Variants in SH3D21 observed in about 807,000 individuals in gnomAD.
SH3D21 encodes SH3 domain-containing protein 21.
Under a neutral mutation model 82.1 loss-of-function variants are expected in SH3D21, and 83 were observed. The ratio of observed to expected loss-of-function variants is 1.01; its 90% confidence interval spans 0.85 to 1.21. SH3D21 has a LOEUF of 1.21. Among genes scored for constraint, SH3D21 ranks in the 50% most tolerant of loss-of-function variants. SH3D21 has a pLI of 0.00. For synonymous variants in SH3D21, 383 were observed against 387.8 expected (o/e 0.99, Z 0.15); for missense variants, 980 against 962.1 (o/e 1.02, Z -0.25).
chr1:36,320,345 C>T lies in SH3D21; in HGVS notation c.1682C>T (p.Pro561Leu). 1.2e-6 allele frequency: 2 copies of T among 1,613,378 alleles called. No individual in the cohort carries two copies. Among genetic ancestry groups the T allele is most frequent in the South Asian group, 2.2e-5 (2 of 91,076 alleles). Residue 561 changes from proline to leucine, a missense_variant, in exon 14 of 16, where the codon CCA (proline) becomes CTA (leucine). By Grantham distance (98) the Pro-to-Leu change is moderately conservative (BLOSUM62 -3). Coordinates refer to ENST00000453908, the MANE Select transcript of SH3D21 (RefSeq NM_001162530.2). ...KCTLVRGDSS[P>L]RQAELKSGPA... ...ACCCTAGTTAGAGGGGACAGCTCCC[C>T]ACGCCAGGCTGAGTTGAAGTCTGGG...
At chr1:36,311,326 T>C (rs564372215) in intron 10 of SH3D21, among the ~76,000 whole-genome samples, 14 of 152,236 alleles carry the variant, frequency 9.2e-5, no homozygotes, top group South Asian at 4.1e-4. Flanking sequence ...CTGCAAGCTC[T>C]GCCTCCCGGG....
rs966205694 is a variant in SH3D21 at position 36,306,886 on chromosome 1, G to T, written c.207G>T (p.Pro69=). ...GGGGCTCCGGAGAGGCGCGGAGGCCGCGCTGTGCGCGCCGCCGAGGTGAGC... is the reference window on the plus strand; with the variant it reads ...GGGGCTCCGGAGAGGCGCGGAGGCCTCGCTGTGCGCGCCGCCGAGGTGAGC... ...TLRGSGEARR[P]RCARRRGHPA... The change falls in exon 3 of 16, where the codon CCG becomes CCT. Residue 69 remains proline (P), a synonymous_variant. Coordinates refer to ENST00000453908, the MANE Select transcript of SH3D21 (RefSeq NM_001162530.2). This position sits in a 1 kb window ranked among gnomAD's most constrained non-coding sequence, Gnocchi z 4.5. 7.7e-7 allele frequency: 1 copy of T among 1,306,784 alleles called. No individual in the cohort carries two copies. The allele number at this position is 1,306,784 out of a possible 1,614,324, so 80.9% of individuals were successfully genotyped here.
Position 36,319,070 on chromosome 1 carries a change from G to C in SH3D21, c.770-1G>C. 2.6e-6 allele frequency: 4 copies of C among 1,532,146 alleles called. No homozygotes were observed. Among genetic ancestry groups the C allele is most frequent in the Non-Finnish European group, 3.5e-6 (4 of 1,129,310 alleles). The allele number at this position is 1,532,146 out of a possible 1,614,324, so 94.9% of individuals were successfully genotyped here. On this transcript the variant is annotated splice_acceptor_variant, in intron 10 of 15. Coordinates refer to ENST00000453908, the MANE Select transcript of SH3D21 (RefSeq NM_001162530.2). LOFTEE classifies it high-confidence loss of function. Reference sequence around the variant, plus strand: ...TGAGTGCTCCACTCCTCTCTTCCCAGCTCCTATTAAGGAACCAAAAAAGTT... The same window carrying C: ...TGAGTGCTCCACTCCTCTCTTCCCACCTCCTATTAAGGAACCAAAAAAGTT...
At chr1:36,314,152 T>C (rs1224630138) in intron 10 of SH3D21, among the ~76,000 whole-genome samples, 2 of 150,926 alleles carry the variant, frequency 1.3e-5, no homozygotes, top group South Asian at 2.1e-4. Context: ...ATTTTTTGTA[T>C]TTTTAGTAGA....
chr1:36,316,477 C>A (rs1156872360), intron 10 of SH3D21, among the ~76,000 whole-genome samples: 1 of 152,216 alleles, frequency 6.6e-6, no homozygotes, highest in Non-Finnish European at 1.5e-5. Flanking sequence ...TCAGGTGATC[C>A]ACTTGCCTCG....
downstream of SH3D21, chr1:36,322,893 G>A (rs1646492096): frequency 1.9e-6 from 3 of 1,567,742 alleles, no homozygotes; most frequent in South Asian, 1.1e-5. Flanking sequence ...CGGAGGGGAC[G>A]GACAAGGCGC....
At chr1:36,318,791 C>T (rs1448830219) in intron 10 of SH3D21, among the ~76,000 whole-genome samples, 1 of 151,858 alleles carries the variant, frequency 6.6e-6, no homozygotes, top group Non-Finnish European at 1.5e-5. Context: ...CACCTGTAGT[C>T]TCAGCTATTC....
downstream of SH3D21, among the ~76,000 whole-genome samples, chr1:36,326,235 T>TTTC (rs370158086): frequency 0.78 from 101,648 of 129,584 alleles, 40,305 homozygotes; most frequent in East Asian, 0.93. Context: ...TCTTTCTTTC[T>TTTC]TTTTTTTTTT....
chr1:36,311,988 C>G (rs1646249480), intron 10 of SH3D21, among the ~76,000 whole-genome samples: 1 of 151,930 alleles, frequency 6.6e-6, no homozygotes, highest in Non-Finnish European at 1.5e-5. Flanking sequence ...AGCCACGGTG[C>G]CTGGCTTAGT....
At chr1:36,315,104 G>A (rs1320893860) in intron 10 of SH3D21, among the ~76,000 whole-genome samples, 1 of 151,898 alleles carries the variant, frequency 6.6e-6, no homozygotes, top group Non-Finnish European at 1.5e-5. Flanking sequence ...GCGAAACCCT[G>A]TCTCTACCAA....
downstream of SH3D21, chr1:36,322,123 C>T (rs1050153680): frequency 1.2e-4 from 161 of 1,346,940 alleles, no homozygotes; most frequent in Non-Finnish European, 8.0e-5. Flanking sequence ...CCCCTCCCCG[C>T]CCCCGGGGTC....
chr1:36,308,265 A>G, intron 8 of SH3D21, 56 bp downstream of exon 8: 1 of 1,469,608 alleles, frequency 6.8e-7, no homozygotes, highest in African/African-American at 1.4e-5. Flanking sequence ...GAAAGGGTAG[A>G]CCTGCACATG....
chr1:36,309,630 G>T, intron 10 of SH3D21, 40 bp downstream of exon 10: 1 of 1,550,038 alleles, frequency 6.5e-7, no homozygotes, highest in Non-Finnish European at 8.7e-7. Context: ...GGTGTTCTCT[G>T]GGAGACCCAC....
chr1:36,323,078 A>T (rs1646495835), downstream of SH3D21: 1 of 1,587,914 alleles, frequency 6.3e-7, no homozygotes, highest in African/African-American at 1.4e-5. Context: ...CTGCGAGGTC[A>T]GCAAAGTCAG....
chr1:36,316,589 G>A (rs1349257516), intron 10 of SH3D21, among the ~76,000 whole-genome samples: 1 of 152,046 alleles, frequency 6.6e-6, no homozygotes, highest in African/African-American at 2.4e-5. Context: ...ACCAGAAGCT[G>A]CTTCGGTCCT....
At chr1:36,317,209 A>G (rs1230453825) in intron 10 of SH3D21, among the ~76,000 whole-genome samples, 1 of 152,048 alleles carries the variant, frequency 6.6e-6, no homozygotes, top group African/African-American at 2.4e-5. Context: ...CCTCACAACC[A>G]CCCTACAAGG....
rs188151426 is a variant in SH3D21 at position 36,316,922 on chromosome 1, G to A, written c.770-2149G>A. On this transcript the variant is annotated intron_variant, in intron 10 of 15. Transcript: ENST00000453908. Reference sequence around the variant, plus strand: ...GGGACTGAAAGCACTGGGATTACAGGCGTGAGCCACTGGGAGTGCTGGGAT... The same window carrying A: ...GGGACTGAAAGCACTGGGATTACAGACGTGAGCCACTGGGAGTGCTGGGAT... Among the ~76,000 whole-genome samples the A allele has an allele frequency of 2.5e-3, 378 of 152,224 alleles. 2 individuals carry two copies. The highest frequency in any genetic ancestry group is 8.6e-3 in the African/African-American group (358 of 41,564).
intron 11 of SH3D21, 28 bp from the exon 12 acceptor site, chr1:36,319,232 C>T (rs1182884395): frequency 6.4e-7 from 1 of 1,551,504 alleles, no homozygotes; most frequent in African/African-American, 1.4e-5. Flanking sequence ...GTGCCCCACC[C>T]TGAGGGCCTG....
chr1:36,321,511 C>G (rs1646462833), downstream of SH3D21: 1 of 793,414 alleles, frequency 1.3e-6, no homozygotes, highest in South Asian at 2.6e-5. This position sits in a 1 kb window ranked among gnomAD's most constrained non-coding sequence, Gnocchi z 6.1. Flanking sequence ...AGCTGTGCGC[C>G]GGGGAGGAGC....
Sources: allele counts gnomAD v4.1 joint callset (sites outside exome capture counted in the v4.1 genomes callset), GRCh38; gene constraint gnomAD v4.1.1; non-coding constraint Gnocchi (gnomAD v3.1); transcripts MANE v1.5; gene names NCBI Gene and HGNC (gene_info 2026-07-23, HGNC 2026-07-21).